Variants in SORCS2 observed in about 807,000 individuals in gnomAD.
The protein encoded by SORCS2 is VPS10 domain-containing receptor SorCS2.
A neutral mutation model predicts 141.6 loss-of-function variants in SORCS2; 100 were observed. That is an observed-to-expected ratio of 0.71 (90% confidence interval 0.60 to 0.83). The LOEUF (loss-of-function observed/expected upper bound fraction) is 0.83. Ranked by LOEUF, SORCS2 falls within the 40% of genes least tolerant of loss-of-function variation. SORCS2 has a pLI of 0.00. For synonymous variants in SORCS2, 789 were observed against 676.9 expected, an observed-to-expected ratio of 1.17 and a Z score of -2.57; for missense variants, 1,646 against 1,560.2, an observed-to-expected ratio of 1.05 and a Z score of -0.93.
chr4:7,714,159 C>T, intron 15 of SORCS2, 81 bp from the exon 16 acceptor site: 2 of 1,511,636 alleles, frequency 1.3e-6, no homozygotes, highest in Admixed American at 2.1e-5. Flanking sequence ...TCTTCAGGCT[C>T]TGGCAGCCTC....
intron 1 of SORCS2, among the ~76,000 whole-genome samples, chr4:7,281,571 T>C (rs573530436): frequency 8.5e-5 from 13 of 152,300 alleles, no homozygotes; most frequent in African/African-American, 2.6e-4. Context: ...CCTCTGTGTG[T>C]CTCTGGTCAC....
chr4:7,741,201 G>T lies in SORCS2; in HGVS notation c.*937G>T, dbSNP rs548505402. On this transcript the variant is annotated 3_prime_UTR_variant, in exon 27 of 27. Transcript: ENST00000507866. ...CAGTTTTCTGCAGTTCCTTATAGGC[G>T]AAGGGAACCGGGTGGAAACCAAGCT... is the stretch of plus-strand genomic sequence containing the variant. 5.0e-6 allele frequency: 2 copies of T among 398,786 alleles called. No individual in the cohort carries two copies. The highest frequency in any genetic ancestry group is 1.3e-4 in the South Asian group (1 of 7,846). 24.7% of individuals were successfully genotyped at this position (398,786 alleles called of 1,614,324 possible).
chr4:7,366,745 A>G (rs1411714983), intron 1 of SORCS2, among the ~76,000 whole-genome samples: 3 of 151,636 alleles, frequency 2.0e-5, no homozygotes, highest in Admixed American at 1.3e-4. Flanking sequence ...TGTGCTCACC[A>G]CATGTGTTTC....
At chr4:7,465,194 C>A (rs952679572) in intron 2 of SORCS2, among the ~76,000 whole-genome samples, 2 of 152,254 alleles carry the variant, frequency 1.3e-5, no homozygotes, top group African/African-American at 2.4e-5. Flanking sequence ...CAGCCCCGAG[C>A]AGGAGGCCTC....
chr4:7,729,987 T>A (rs1373615588), intron 23 of SORCS2, among the ~76,000 whole-genome samples: 1 of 152,092 alleles, frequency 6.6e-6, no homozygotes, highest in African/African-American at 2.4e-5. Context: ...TCCCGTGTCA[T>A]TGGCTGGAGA....
In SORCS2 at chr4:7,529,280, C is replaced by T. The variant is rs182240640; in HGVS notation, c.549-2250C>T. On this transcript the variant is annotated intron_variant, in intron 2 of 26. Transcript: ENST00000507866. ...CAACCCAGCGGCCCCACCACCCCTC[C>T]CTCACCCTCCACCCGCACCCCTACA... 5.5e-4 allele frequency among the ~76,000 whole-genome samples: 83 copies of T among 152,278 alleles called. No individual in the cohort carries two copies. In the East Asian group the frequency reaches 0.014, roughly 25 times the overall value.
chr4:7,532,632 G>A (rs753368914), intron 3 of SORCS2, among the ~76,000 whole-genome samples: 10 of 152,306 alleles, frequency 6.6e-5, no homozygotes, highest in Admixed American at 2.0e-4. Context: ...CAGGGGCTCA[G>A]AGGAGCTGGG....
At chr4:7,361,529 A>G (rs1246888046) in intron 1 of SORCS2, among the ~76,000 whole-genome samples, 4 of 151,158 alleles carry the variant, frequency 2.6e-5, no homozygotes, top group African/African-American at 9.7e-5. Context: ...TGGGCTGGAC[A>G]CCATAATAGC....
chr4:7,723,645 C>A (rs1281010283), intron 18 of SORCS2, 52 bp from the exon 19 acceptor site: 1 of 1,590,168 alleles, frequency 6.3e-7, no homozygotes, highest in Non-Finnish European at 8.6e-7. Context: ...ACCACTCTGG[C>A]CCCTCAGCTT....
Position 7,230,925 on chromosome 4 carries a change from C to T in SORCS2, c.480+37799C>T, listed in dbSNP as rs1253725246. 1.6e-4 allele frequency among the ~76,000 whole-genome samples: 25 copies of T among 152,234 alleles called. 1 individual carries two copies. The highest frequency in any genetic ancestry group is 1.6e-3 in the Admixed American group (25 of 15,284). The stretch of plus-strand genomic sequence containing the variant: ...CTCTTGTATGAAGGAGATGAAGACA[C>T]CCAGTGCATTGGTCAGGGTTCTCCA... On this transcript the variant is annotated intron_variant, in intron 1 of 26. Coordinates refer to ENST00000507866, the MANE Select transcript of SORCS2 (RefSeq NM_020777.3).
At chr4:7,477,083 T>C (rs956593027) in intron 2 of SORCS2, among the ~76,000 whole-genome samples, 15 of 152,128 alleles carry the variant, frequency 9.9e-5, no homozygotes, top group Non-Finnish European at 1.2e-4. Context: ...GTGACCTCAG[T>C]GGAGGAGAAA....
At chr4:7,311,236 G>A (rs62277298) in intron 1 of SORCS2, among the ~76,000 whole-genome samples, 38,006 of 152,054 alleles carry the variant, frequency 0.25, 5,182 homozygotes, top group South Asian at 0.44. Flanking sequence ...ATTCAGACAT[G>A]TTGTCACATC....
At chr4:7,213,583 A>C (rs1306124727) in intron 1 of SORCS2, among the ~76,000 whole-genome samples, 1 of 152,170 alleles carries the variant, frequency 6.6e-6, no homozygotes, top group Non-Finnish European at 1.5e-5. Flanking sequence ...GAACCCAAAT[A>C]AGTCAAGAAC....
At chr4:7,699,367 G>A (rs946831177) in intron 12 of SORCS2, among the ~76,000 whole-genome samples, 8 of 152,308 alleles carry the variant, frequency 5.3e-5, no homozygotes, top group African/African-American at 1.7e-4. Flanking sequence ...CACTCCATTC[G>A]TCTCCTCCTG....
chr4:7,539,262 G>T (rs983323474), intron 3 of SORCS2, among the ~76,000 whole-genome samples: 2 of 152,162 alleles, frequency 1.3e-5, no homozygotes, highest in African/African-American at 4.8e-5. Flanking sequence ...TGGAGCTGTG[G>T]ACCCACTAAG....
rs372797481 is a variant in SORCS2 at position 7,736,671 on chromosome 4, G to A, written c.3312-398G>A. 1.3e-4 allele frequency among the ~76,000 whole-genome samples: 20 copies of A among 152,332 alleles called. No homozygotes were observed. In the South Asian group the frequency reaches 4.1e-3, roughly 32 times the overall value. ...GCTCAGCAAGTGCCTCTCAGAGCTG[G>A]GCCGGCTCGTGCCTCCTGCGGGAAT... On this transcript the variant is annotated intron_variant, in intron 25 of 26. Transcript: ENST00000507866.
chr4:7,527,324 G>A (rs1429999631), intron 2 of SORCS2, among the ~76,000 whole-genome samples: 2 of 152,252 alleles, frequency 1.3e-5, no homozygotes, highest in South Asian at 2.1e-4. Flanking sequence ...TTAAATGAAG[G>A]ATCTTGGGAT....
chr4:7,368,205 G>A (rs373143575), intron 1 of SORCS2, among the ~76,000 whole-genome samples: 11 of 152,296 alleles, frequency 7.2e-5, no homozygotes, highest in East Asian at 3.9e-4. Flanking sequence ...AAGGGGAACC[G>A]CCCTGGTGTG....
intron 4 of SORCS2, among the ~76,000 whole-genome samples, chr4:7,643,648 T>A (rs1185573989): frequency 1.3e-5 from 2 of 152,110 alleles, no homozygotes; most frequent in Non-Finnish European, 2.9e-5. Flanking sequence ...TTCAGGGCAA[T>A]AAAGATGATC....
Sources: gnomAD v4.1 joint callset for allele counts (sites outside exome capture counted in the v4.1 genomes callset) on GRCh38, gnomAD v4.1.1 for gene constraint, MANE v1.5 for transcripts, NCBI Gene and HGNC (gene_info 2026-07-23, HGNC 2026-07-21) for gene names.